Variants in RABGAP1 observed in about 807,000 individuals in gnomAD.
RABGAP1 encodes rab GTPase-activating protein 1.
In RABGAP1, 23 loss-of-function variants were observed where a neutral mutation model predicts 137.6. That is an observed-to-expected ratio of 0.17 (90% CI 0.12 to 0.24). RABGAP1 has a LOEUF of 0.24. Among genes scored for constraint, RABGAP1 ranks in the 10% least tolerant of loss-of-function variants. The pLI, the probability that RABGAP1 is intolerant of heterozygous loss-of-function variation, is 1.00. For synonymous variants in RABGAP1, 451 were observed against 450.7 expected, an observed-to-expected ratio of 1.00 and a Z score of -0.01; for missense variants, 906 against 1,275.8, an observed-to-expected ratio of 0.71 and a Z score of 4.42.
At chr9:123,081,764 ATAT>A (rs1374023506) in intron 19 of RABGAP1, among the ~76,000 whole-genome samples, 2 of 152,244 alleles carry the variant, frequency 1.3e-5, no homozygotes, top group Admixed American at 6.5e-5. Context: ...TAATATTATG[ATAT>A]TGTTGTAATT....
At chr9:123,081,047 A>G (rs778004762) in intron 19 of RABGAP1, among the ~76,000 whole-genome samples, 3 of 152,128 alleles carry the variant, frequency 2.0e-5, no homozygotes, top group Non-Finnish European at 4.4e-5. Flanking sequence ...CAGCCTACCC[A>G]TCATGAGGAC....
intron 13 of RABGAP1, among the ~76,000 whole-genome samples, chr9:123,033,970 T>G (rs1295756213): frequency 6.6e-6 from 1 of 152,194 alleles, no homozygotes; most frequent in Admixed American, 6.5e-5. Context: ...TTTTGTTTTA[T>G]GCTGATCTTG....
chr9:123,052,799 G>A (rs920419578), intron 13 of RABGAP1, among the ~76,000 whole-genome samples: 9 of 152,158 alleles, frequency 5.9e-5, no homozygotes, highest in African/African-American at 2.2e-4. Context: ...AATTAGCTGG[G>A]CATGATGGTG....
intron 6 of RABGAP1, 42 bp from the exon 7 acceptor site, chr9:122,995,999 A>G (rs755178004): frequency 6.5e-7 from 1 of 1,550,138 alleles, no homozygotes; most frequent in Non-Finnish European, 8.7e-7. Flanking sequence ...GTATGTGACA[A>G]GAAAATGCTT....
At chr9:123,028,791 A>G (rs1325068972) in intron 13 of RABGAP1, among the ~76,000 whole-genome samples, 1 of 152,202 alleles carries the variant, frequency 6.6e-6, no homozygotes, top group Non-Finnish European at 1.5e-5. Context: ...TTCAGATCCT[A>G]GTTCTGCTGT....
intron 19 of RABGAP1, among the ~76,000 whole-genome samples, chr9:123,085,826 A>C (rs937710976): frequency 2.6e-5 from 4 of 152,198 alleles, no homozygotes; most frequent in Non-Finnish European, 5.9e-5. Flanking sequence ...ACCTATATAT[A>C]TCTTTGTATT....
chr9:123,022,138 C>A (rs2131936795), intron 13 of RABGAP1, among the ~76,000 whole-genome samples: 1 of 151,990 alleles, frequency 6.6e-6, no homozygotes. Context: ...TTTTGAAGTC[C>A]TTTGAAATGT....
At chr9:123,045,357 G>A (rs887848253) in intron 13 of RABGAP1, among the ~76,000 whole-genome samples, 2 of 152,120 alleles carry the variant, frequency 1.3e-5, no homozygotes, top group African/African-American at 2.4e-5. Context: ...TGTCTTTATT[G>A]CCTCTGGGGA....
intron 13 of RABGAP1, among the ~76,000 whole-genome samples, chr9:123,050,523 T>A (rs150513269): frequency 6.6e-6 from 1 of 152,344 alleles, no homozygotes; most frequent in Non-Finnish European, 1.5e-5. Flanking sequence ...GTGTTGCTAG[T>A]CATGTAGGGA....
At chr9:123,060,324 T>A (rs1330417770) in intron 13 of RABGAP1, among the ~76,000 whole-genome samples, 2 of 152,234 alleles carry the variant, frequency 1.3e-5, no homozygotes, top group Non-Finnish European at 2.9e-5. Flanking sequence ...ACCATTTCGG[T>A]TTCTGTCACC....
At chr9:123,035,003 T>G in intron 13 of RABGAP1, 1 of 1,613,744 alleles carries the variant, frequency 6.2e-7, no homozygotes, top group Non-Finnish European at 8.5e-7. Flanking sequence ...CCCTGGAGAC[T>G]ACGCCTGTGT....
intron 13 of RABGAP1, among the ~76,000 whole-genome samples, chr9:123,039,173 C>T (rs1158611206): frequency 6.6e-6 from 1 of 152,162 alleles, no homozygotes; most frequent in Non-Finnish European, 1.5e-5. Flanking sequence ...CTTTGAAGCT[C>T]AATGCTACAC....
intron 10 of RABGAP1, among the ~76,000 whole-genome samples, chr9:122,999,138 C>T (rs558468000): frequency 2.0e-5 from 3 of 151,652 alleles, no homozygotes; most frequent in African/African-American, 4.8e-5. Flanking sequence ...TTCAAGATGT[C>T]CTTCCTATTC....
intron 2 of RABGAP1, among the ~76,000 whole-genome samples, chr9:122,962,550 G>C (rs949007847): frequency 3.9e-5 from 6 of 151,940 alleles, no homozygotes; most frequent in Non-Finnish European, 7.4e-5. Flanking sequence ...ATAGTACATT[G>C]TAAGTTCCTA....
chr9:122,967,930 G>T lies in RABGAP1; in HGVS notation c.150+10721G>T, dbSNP rs1280760352. On this transcript the variant is annotated intron_variant, in intron 2 of 25. Transcript: ENST00000373647. Reference sequence around the variant, plus strand: ...TTTAGTAGAGATGGGGTTTTACCATGTTGGCTAGGCTGATCTCGAACTCCT... The same window carrying T: ...TTTAGTAGAGATGGGGTTTTACCATTTTGGCTAGGCTGATCTCGAACTCCT... 2.0e-5 allele frequency among the ~76,000 whole-genome samples: 3 copies of T among 152,012 alleles called. No individual in the cohort carries two copies. The East Asian group carries it at 5.8e-4, about 29-fold the overall frequency.
rs576959441 is a variant in RABGAP1, at chr9:123,071,932, TGAG to T, written c.1983+1512_1983+1514del. ...TGGAGTATCCTGAGTGACTGGGAGTTGAGGAGAGAGCTAGGGAGAGCTTTGAAG... is the reference window on the plus strand; with the variant it reads ...TGGAGTATCCTGAGTGACTGGGAGTTGAGAGAGCTAGGGAGAGCTTTGAAG... On this transcript the variant is annotated intron_variant, in intron 15 of 25. Transcript: ENST00000373647. 4.6e-5 allele frequency among the ~76,000 whole-genome samples: 7 copies of T among 152,160 alleles called. No individual in the cohort carries two copies. In the South Asian group the frequency reaches 8.3e-4, roughly 18 times the overall value.
intron 11 of RABGAP1, 149 bp from the exon 12 acceptor site, chr9:123,015,394 C>A: frequency 3.1e-5 from 9 of 288,486 alleles, no homozygotes; most frequent in South Asian, 6.4e-5. Flanking sequence ...TTTTTATTTT[C>A]TTTGTACCTA....
chr9:122,995,059 G>A lies in RABGAP1; in HGVS notation c.924-982G>A, dbSNP rs1177416644. ...TTGAGCCCAGGAGTTTGAGGCTGTA[G>A]TGAACTATGAGATTGTGCCACTGTG... On this transcript the variant is annotated intron_variant, in intron 6 of 25. Transcript: ENST00000373647. Among the ~76,000 whole-genome samples the A allele has an allele frequency of 6.6e-5, 10 of 152,300 alleles. No individual in the cohort carries two copies. In the East Asian group the frequency reaches 1.9e-3, roughly 29 times the overall value.
chr9:122,947,047 T>C (rs1833984977), intron 1 of RABGAP1, among the ~76,000 whole-genome samples: 1 of 152,282 alleles, frequency 6.6e-6, no homozygotes, highest in African/African-American at 2.4e-5. Context: ...CTCATGGAAC[T>C]GTAATGGAAA....
Sources: allele counts gnomAD v4.1 joint callset (sites outside exome capture counted in the v4.1 genomes callset), GRCh38; gene constraint gnomAD v4.1.1; transcripts MANE v1.5; gene names NCBI Gene and HGNC (gene_info 2026-07-23, HGNC 2026-07-21).